Variants in LARGE1 observed in about 807,000 individuals in gnomAD.
LARGE1 encodes the protein xylosyl- and glucuronyltransferase LARGE1.
A neutral mutation model predicts 87.6 loss-of-function variants in LARGE1; 43 were observed. The ratio of observed to expected loss-of-function variants is 0.49; its 90% CI spans 0.38 to 0.63. The LOEUF (loss-of-function observed/expected upper bound fraction) is 0.63. LARGE1 is among the 30% of genes least tolerant of loss of function. LARGE1 has a pLI of 0.00. For synonymous variants in LARGE1, 434 were observed against 394.6 expected, an observed-to-expected ratio of 1.10 and a Z score of -1.18; for missense variants, 802 against 1,000.2, an observed-to-expected ratio of 0.80 and a Z score of 2.67.
At chr22:33,394,081 CAAAAAAA>C (rs66531142) in intron 7 of LARGE1, among the ~76,000 whole-genome samples, 6 of 109,988 alleles carry the variant, frequency 5.5e-5, no homozygotes, top group Admixed American at 2.8e-4. Context: ...GTGCAACTGC[CAAAAAAA>C]AAAAAAAAAA....
At chr22:33,524,285 C>CA (rs113849545) in intron 6 of LARGE1, among the ~76,000 whole-genome samples, 75,865 of 146,712 alleles carry the variant, frequency 0.52, 19,928 homozygotes, top group Admixed American at 0.59. Flanking sequence ...AGTGAGACTC[C>CA]CCTCAAAAAA....
chr22:33,303,371 G>A lies in LARGE1; in HGVS notation c.1730+858C>T, dbSNP rs562467369. The stretch of plus-strand genomic sequence containing the variant: ...AGTAACCCCGGGCCAACGGCTCCTG[G>A]TCTCGGTCCCACAGTTCCCCATTTA... On this transcript the variant is annotated intron_variant, in intron 12 of 14. Transcript: ENST00000397394. 7.2e-5 allele frequency among the ~76,000 whole-genome samples: 11 copies of A among 152,254 alleles called. No individual in the cohort carries two copies. In the East Asian group the frequency reaches 1.9e-3, roughly 27 times the overall value.
intron 9 of LARGE1, among the ~76,000 whole-genome samples, chr22:33,339,000 T>C (rs1387793022): frequency 6.6e-6 from 1 of 151,726 alleles, no homozygotes; most frequent in Non-Finnish European, 1.5e-5. Flanking sequence ...ATATAAAAAT[T>C]AGCTGGGCGT....
At chr22:33,852,869 AAAAAAAAAAAGAAAG>A (rs1245081436) in intron 1 of LARGE1, among the ~76,000 whole-genome samples, 65 of 115,448 alleles carry the variant, frequency 5.6e-4, no homozygotes, top group African/African-American at 2.4e-3. Context: ...AAAAAAAAAA[AAAAAAAAAAAGAAAG>A]AAAGAAAGAA....
intron 5 of LARGE1, among the ~76,000 whole-genome samples, chr22:33,593,644 G>A (rs961360485): frequency 2.6e-5 from 4 of 152,062 alleles, no homozygotes; most frequent in Non-Finnish European, 4.4e-5. Flanking sequence ...CTTAAAATAC[G>A]CAAGTCCAAA....
intron 3 of LARGE1, among the ~76,000 whole-genome samples, chr22:33,650,056 T>C (rs1001685514): frequency 6.6e-6 from 1 of 152,156 alleles, no homozygotes; most frequent in African/African-American, 2.4e-5. Context: ...CAGCTAGGTG[T>C]AGAAACCCTG....
At chr22:33,829,665 A>G (rs1437739493) in intron 1 of LARGE1, among the ~76,000 whole-genome samples, 2 of 152,180 alleles carry the variant, frequency 1.3e-5, no homozygotes, top group African/African-American at 4.8e-5. Context: ...GGGGACTACT[A>G]AAACCCCTCC....
rs537654844 is a variant in LARGE1, at chr22:33,313,140, C to T, written c.1451+2945G>A. 2.0e-5 allele frequency among the ~76,000 whole-genome samples: 3 copies of T among 152,254 alleles called. No individual in the cohort carries two copies. In the South Asian group the frequency reaches 6.2e-4, roughly 32 times the overall value. On this transcript the variant is annotated intron_variant, in intron 11 of 14. Coordinates refer to ENST00000397394, the MANE Select transcript of LARGE1 (RefSeq NM_133642.5). ...GCCATGTGTATTTGATCTCCTCTTTCTCCCTCCTACACCCTAAGCCCTAAC... is the reference window on the plus strand; with the variant it reads ...GCCATGTGTATTTGATCTCCTCTTTTTCCCTCCTACACCCTAAGCCCTAAC...
intron 6 of LARGE1, among the ~76,000 whole-genome samples, chr22:33,457,511 G>C (rs2068187068): frequency 6.6e-6 from 1 of 151,452 alleles, no homozygotes; most frequent in Non-Finnish European, 1.5e-5. Flanking sequence ...GAAGTATAAA[G>C]GATAGTCCTT....
chr22:33,199,254 A>G (rs1924248498), intron 11 of LARGE1, among the ~76,000 whole-genome samples: 1 of 151,256 alleles, frequency 6.6e-6, no homozygotes, highest in African/African-American at 2.4e-5. Flanking sequence ...GATTCTAGAT[A>G]TTAGTCCTTT....
chr22:33,892,257 T>C (rs1482777990), intron 1 of LARGE1, among the ~76,000 whole-genome samples: 1 of 152,186 alleles, frequency 6.6e-6, no homozygotes, highest in Non-Finnish European at 1.5e-5. Flanking sequence ...TTGGCTGATC[T>C]AGACTGGGCT....
At position 33,381,924 on chromosome 22, in the gene LARGE1, G is replaced by A. The variant is rs1264382512; in HGVS notation, c.1126C>T (p.Leu376=). 2 of 1,614,010 alleles carry A rather than the reference G, an allele frequency of 1.2e-6. No homozygotes were observed. Among genetic ancestry groups the A allele is most frequent in the East Asian group, 4.5e-5 (2 of 44,854 alleles). ...TGTCCCTGTGTTGACCCTACCTTTAGATCAGACACGTCTCTGTAGCACTGC... is the reference window on the plus strand; with the variant it reads ...TGTCCCTGTGTTGACCCTACCTTTAAATCAGACACGTCTCTGTAGCACTGC... The part of the protein sequence containing the change: ...SEQCYRDVSD[L]KVIHWNSPKK... The change falls in exon 9 of 15, where the codon CTA becomes TTA. Residue 376 remains leucine, a synonymous_variant. Transcript: ENST00000397394.
intron 11 of LARGE1, among the ~76,000 whole-genome samples, chr22:33,220,507 G>C (rs1258173915): frequency 6.6e-6 from 1 of 152,038 alleles, no homozygotes; most frequent in Non-Finnish European, 1.5e-5. Context: ...GGAGTGAAAG[G>C]GGAAAAAAAT....
chr22:33,402,106 G>C (rs2065944002), intron 7 of LARGE1, among the ~76,000 whole-genome samples: 1 of 152,224 alleles, frequency 6.6e-6, no homozygotes, highest in African/African-American at 2.4e-5. Context: ...GTTTATGCTT[G>C]TTTTTACAAA....
At chr22:33,139,929 G>C in the LARGE1 span, among the ~76,000 whole-genome samples, 2 of 152,176 alleles carry the variant, frequency 1.3e-5, no homozygotes, top group Non-Finnish European at 2.9e-5. Context: ...TGCAGAGGTG[G>C]TCTGATTCTT....
chr22:33,534,330 G>A (rs555046845), intron 6 of LARGE1, among the ~76,000 whole-genome samples: 2 of 152,096 alleles, frequency 1.3e-5, no homozygotes, highest in Non-Finnish European at 2.9e-5. Context: ...TGTGAACCCA[G>A]GAGGCGGAGC....
At chr22:33,851,329 C>A (rs1399655794) in intron 1 of LARGE1, among the ~76,000 whole-genome samples, 3 of 152,232 alleles carry the variant, frequency 2.0e-5, no homozygotes, top group South Asian at 2.1e-4. Context: ...CTTCTCTCTA[C>A]CGCCCCAGCC....
At chr22:33,446,585 G>GA (rs2067693940) in intron 6 of LARGE1, among the ~76,000 whole-genome samples, 1 of 152,126 alleles carries the variant, frequency 6.6e-6, no homozygotes, top group African/African-American at 2.4e-5. Context: ...TATCAGGAGG[G>GA]AAAAAACACC....
intron 2 of LARGE1, among the ~76,000 whole-genome samples, chr22:33,714,326 A>G (rs930324946): frequency 2.0e-5 from 3 of 152,212 alleles, no homozygotes; most frequent in African/African-American, 7.2e-5. Flanking sequence ...CTCCAGCTCT[A>G]GAGGCAGATA....
Sources: allele counts gnomAD v4.1 joint callset (sites outside exome capture counted in the v4.1 genomes callset), GRCh38; gene constraint gnomAD v4.1.1; transcripts MANE v1.5; gene names NCBI Gene and HGNC (gene_info 2026-07-23, HGNC 2026-07-21).